The following DNMBP variants were observed in gnomAD, a reference collection of about 807,000 sequenced individuals.
The protein encoded by DNMBP is dynamin binding protein, also known as dynamin-binding protein.
Under a neutral mutation model 150.0 loss-of-function variants are expected in DNMBP, and 87 were observed. The ratio of observed to expected loss-of-function variants is 0.58; its 90% CI spans 0.49 to 0.69. The LOEUF is 0.69. Ranked by LOEUF, DNMBP falls within the 30% of genes least tolerant of loss-of-function variation. The pLI is 0.00. For synonymous variants in DNMBP, 711 were observed against 750.4 expected (o/e 0.95, Z 0.86); for missense variants, 1,774 against 1,949.0 (o/e 0.91, Z 1.69).
chr10:99,895,219 T>C (rs974875987), intron 10 of DNMBP, among the ~76,000 whole-genome samples, 169 bp from the exon 11 acceptor site: 4 of 150,094 alleles, frequency 2.7e-5, no homozygotes, highest in African/African-American at 7.4e-5. Flanking sequence ...CTCCGCCTCC[T>C]GGATTCAAGC....
chr10:99,908,587 A>G (rs1484643608), intron 5 of DNMBP, among the ~76,000 whole-genome samples: 4 of 152,180 alleles, frequency 2.6e-5, no homozygotes, highest in Non-Finnish European at 4.4e-5. Flanking sequence ...GATAAACTCT[A>G]TATGAACAGG....
chr10:99,907,065 A>G (rs72838191), intron 6 of DNMBP, among the ~76,000 whole-genome samples: 9,145 of 152,196 alleles, frequency 0.06, 311 homozygotes, highest in Middle Eastern at 0.19. Context: ...AATCCCAGCA[A>G]TGTGGGAGGC....
Position 99,898,191 on chromosome 10 carries a change from A to C in DNMBP, c.2815T>G (p.Ser939Ala), listed in dbSNP as rs2039685851. The C allele has an allele frequency of 6.2e-7, 1 of 1,614,116 alleles. No homozygotes were observed. Among genetic ancestry groups the C allele is most frequent in the Non-Finnish European group, 8.5e-7 (1 of 1,179,978 alleles). Residue 939 changes from serine to alanine, a missense_variant, in exon 9 of 17, where the codon TCC becomes GCC. This residue lies in a region of DNMBP where 1,430 missense variants were observed against 1,492.5 expected (regional missense o/e 0.96). Transcript: ENST00000324109. Reference sequence around the variant, plus strand: ...TTATCTGGGTGGGATTCTGGGGTGGAATTCAGCAACTCCATTAGCAACAGC... The same window carrying C: ...TTATCTGGGTGGGATTCTGGGGTGGCATTCAGCAACTCCATTAGCAACAGC... ...YPLLLMELLNSTPESHPDKVP... is the reference protein window; with the variant it reads ...YPLLLMELLNATPESHPDKVP...
intron 1 of DNMBP, among the ~76,000 whole-genome samples, chr10:99,994,420 A>G (rs1215333832): frequency 6.6e-6 from 1 of 152,188 alleles, no homozygotes; most frequent in Non-Finnish European, 1.5e-5. Flanking sequence ...TATGACCATC[A>G]TCACCCAGGC....
At chr10:99,979,030 A>G (rs1045234459) in intron 1 of DNMBP, among the ~76,000 whole-genome samples, 2 of 152,194 alleles carry the variant, frequency 1.3e-5, no homozygotes, top group Admixed American at 1.3e-4. Context: ...GTCAATTTAT[A>G]TATATAACAC....
chr10:99,946,979 A>G (rs1171378863), intron 4 of DNMBP, among the ~76,000 whole-genome samples: 2 of 152,254 alleles, frequency 1.3e-5, no homozygotes, highest in Non-Finnish European at 2.9e-5. Flanking sequence ...AATGCTTAAC[A>G]TCGCTAATCA....
intron 3 of DNMBP, among the ~76,000 whole-genome samples, chr10:99,964,877 A>G (rs1050963985): frequency 3.1e-4 from 35 of 113,616 alleles, no homozygotes; most frequent in Admixed American, 1.2e-3. Context: ...GCCCAAGGAA[A>G]AAAAAAAAAT....
Position 99,969,144 on chromosome 10 carries a change from T to C in DNMBP, c.239A>G (p.Gln80Arg). ...ATGGAGGGGAAGATTATCCAACTCT[T>C]GGGATGTGAATTCACAAATGCACAC... is the stretch of plus-strand genomic sequence containing the variant. ...LFVCICEFTS[Q>R]ELDNLPLHRG... The change falls in exon 3 of 17, where the codon CAA (glutamine) becomes CGA (arginine). Residue 80 changes from glutamine (Q) to arginine (R), a missense_variant. Gln to Arg is a conservative substitution (Grantham distance 43, BLOSUM62 1). Coordinates refer to ENST00000324109, the MANE Select transcript of DNMBP (RefSeq NM_015221.4). 6.2e-7 allele frequency: 1 copy of C among 1,614,098 alleles called. No individual in the cohort carries two copies. Among genetic ancestry groups the C allele is most frequent in the Non-Finnish European group, 8.5e-7 (1 of 1,179,990 alleles).
Position 99,955,825 on chromosome 10 carries a change from G to C in DNMBP, c.1649C>G (p.Ser550Trp). Residue 550 changes from serine to tryptophan, a missense_variant, in exon 4 of 17, where the codon TCG becomes TGG. Physicochemically the swap from Ser to Trp is radical, Grantham distance 177. This residue lies in a region of DNMBP where 1,430 missense variants were observed against 1,492.5 expected (regional missense o/e 0.96). Transcript: ENST00000324109. Reference sequence around the variant, plus strand: ...CTCGATCAGCTGTTGTGTCAGCTTCGAGTCCAGGTCAGTGCTGCCGTCTCC... The same window carrying C: ...CTCGATCAGCTGTTGTGTCAGCTTCCAGTCCAGGTCAGTGCTGCCGTCTCC... ...SQGDGSTDLD[S>W]KLTQQLIEFE... 2 of 1,614,208 alleles carry C rather than the reference G, an allele frequency of 1.2e-6. No individual in the cohort carries two copies. Among genetic ancestry groups the C allele is most frequent in the Non-Finnish European group, 1.7e-6 (2 of 1,180,038 alleles).
At chr10:99,981,309 G>C (rs2040778102) in intron 1 of DNMBP, among the ~76,000 whole-genome samples, 1 of 152,100 alleles carries the variant, frequency 6.6e-6, no homozygotes, top group South Asian at 2.1e-4. Flanking sequence ...AGCCTCCTGA[G>C]TAGCTGGGAT....
At chr10:100,001,573 G>A (rs926856229) in intron 1 of DNMBP, among the ~76,000 whole-genome samples, 1 of 148,504 alleles carries the variant, frequency 6.7e-6, no homozygotes, top group Non-Finnish European at 1.5e-5. Flanking sequence ...CACCATGCCC[G>A]GCTAGTTTTT....
At chr10:99,964,841 C>T (rs528286755) in intron 3 of DNMBP, among the ~76,000 whole-genome samples, 9 of 150,118 alleles carry the variant, frequency 6.0e-5, no homozygotes, top group South Asian at 2.1e-4. Flanking sequence ...ACTGCACTCC[C>T]GCCTGGGCGA....
intron 1 of DNMBP, among the ~76,000 whole-genome samples, chr10:99,981,809 T>C (rs1467419894): frequency 6.6e-6 from 1 of 152,048 alleles, no homozygotes; most frequent in East Asian, 1.9e-4. Flanking sequence ...AGAGGGACAG[T>C]GAGATTGTGA....
chr10:99,917,548 A>G (rs974594028), intron 4 of DNMBP, among the ~76,000 whole-genome samples: 1 of 152,150 alleles, frequency 6.6e-6, no homozygotes, highest in Non-Finnish European at 1.5e-5. Context: ...AAAAAAGAAC[A>G]TTTGCTGTAA....
At chr10:99,885,637 T>G in intron 14 of DNMBP, 50 bp downstream of exon 14, 1 of 1,499,840 alleles carries the variant, frequency 6.7e-7, no homozygotes. Flanking sequence ...GCTGCAGGGT[T>G]CCCCCTCTTT....
At chr10:99,931,645 T>C (rs1045786672) in intron 4 of DNMBP, among the ~76,000 whole-genome samples, 5 of 152,166 alleles carry the variant, frequency 3.3e-5, no homozygotes, top group Non-Finnish European at 7.3e-5. Flanking sequence ...AAGTCGAAAA[T>C]GAGGCCAGAA....
chr10:99,883,134 C>T (rs1268228850), intron 15 of DNMBP, among the ~76,000 whole-genome samples: 1 of 98,968 alleles, frequency 1.0e-5, no homozygotes, highest in Non-Finnish European at 2.2e-5. Context: ...ACATCACCTT[C>T]ATTCAGGTTT....
chr10:99,920,294 C>G (rs2040008478), intron 4 of DNMBP, among the ~76,000 whole-genome samples: 1 of 152,132 alleles, frequency 6.6e-6, no homozygotes, highest in Non-Finnish European at 1.5e-5. Flanking sequence ...ACAGTGGCCT[C>G]AAACTCCCAA....
At position 99,894,957 on chromosome 10, in the gene DNMBP, G is replaced by A. The variant is rs942246656; in HGVS notation, c.3145C>T (p.Gln1049Ter). The A allele has an allele frequency of 2.5e-6, 4 of 1,613,150 alleles. No individual in the cohort carries two copies. The highest frequency in any genetic ancestry group is 1.7e-5 in the Admixed American group (1 of 59,984). The change falls in exon 11 of 17, where the codon CAG (glutamine) becomes TAG (stop). Residue 1049 changes from glutamine to a stop codon, truncating the protein, a stop_gained. Transcript: ENST00000324109. LOFTEE classifies it high-confidence loss of function. ...ATGTTGATGCTCACCCGGATGTGCT[G>A]GAGGTAGAGAGACAGGTCTCGGATA... Reference protein sequence around the residue: ...SFIRDLSLYLQHIRESACVKV... With the variant: ...SFIRDLSLYL
Sources: allele counts gnomAD v4.1 joint callset (sites outside exome capture counted in the v4.1 genomes callset), GRCh38; gene constraint gnomAD v4.1.1; regional missense constraint gnomAD v4.1.1; transcripts MANE v1.5; gene names NCBI Gene and HGNC (gene_info 2026-07-23, HGNC 2026-07-21).